The following INPP5A variants were observed in gnomAD, a reference collection of about 807,000 sequenced individuals.
The protein encoded by INPP5A is 43 kDa inositol polyphosphate 5-phophatase.
A neutral mutation model predicts 65.2 loss-of-function variants in INPP5A; 14 were observed. That is an observed-to-expected ratio of 0.21 (90% CI 0.14 to 0.34). INPP5A has a LOEUF of 0.34. Ranked by LOEUF, INPP5A falls within the 10% of genes least tolerant of loss-of-function variation. The pLI, the probability that INPP5A is intolerant of heterozygous loss-of-function variation, is 1.00. For synonymous variants in INPP5A, 207 were observed against 208.3 expected, an observed-to-expected ratio of 0.99 and a Z score of 0.05; for missense variants, 431 against 545.6, an observed-to-expected ratio of 0.79 and a Z score of 2.09.
At chr10:132,700,340 G>C (rs1222546158) in intron 6 of INPP5A, among the ~76,000 whole-genome samples, 1 of 152,218 alleles carries the variant, frequency 6.6e-6, no homozygotes, top group Non-Finnish European at 1.5e-5. Flanking sequence ...CGGGGGGCCA[G>C]CCCCTGCCCT....
rs2071031934 is a variant in INPP5A, at chr10:132,550,162, T to C, written c.75+11991T>C. 6.7e-6 allele frequency among the ~76,000 whole-genome samples: 1 copy of C among 149,708 alleles called. No individual in the cohort carries two copies. The highest frequency in any genetic ancestry group is 2.5e-5 in the African/African-American group (1 of 40,194). On this transcript the variant is annotated intron_variant, in intron 1 of 15. Coordinates refer to ENST00000368594, the MANE Select transcript of INPP5A (RefSeq NM_005539.5). The surrounding 1 kb of genome is among the most constrained non-coding windows in gnomAD (Gnocchi z 4.2). ...ACTAACCAGGCAGTAGAAGATGGGGTCAGTCTTGAGTTATTAGTATTTATC... is the reference window on the plus strand; with the variant it reads ...ACTAACCAGGCAGTAGAAGATGGGGCCAGTCTTGAGTTATTAGTATTTATC...
chr10:132,729,421 G>A (rs112865729), intron 9 of INPP5A, among the ~76,000 whole-genome samples: 9,071 of 152,212 alleles, frequency 0.06, 298 homozygotes, highest in African/African-American at 0.094. Flanking sequence ...ACAGGCAGTC[G>A]CAGCACGGCA....
At position 132,716,473 on chromosome 10, in the gene INPP5A, C is replaced by T. The variant is rs542919136; in HGVS notation, c.647+6017C>T. Among the ~76,000 whole-genome samples the T allele has an allele frequency of 1.1e-4, 17 of 152,360 alleles. No individual in the cohort carries two copies. The East Asian group carries it at 1.7e-3, about 16-fold the overall frequency. On this transcript the variant is annotated intron_variant, in intron 8 of 15. Coordinates refer to ENST00000368594, the MANE Select transcript of INPP5A (RefSeq NM_005539.5). ...GAACGGAGTCTGCCGGACGTCTCCACGAGCTCCAGCCACGGTGCTCGGTCA... is the reference window on the plus strand; with the variant it reads ...GAACGGAGTCTGCCGGACGTCTCCATGAGCTCCAGCCACGGTGCTCGGTCA...
intron 1 of INPP5A, among the ~76,000 whole-genome samples, chr10:132,594,157 T>C (rs1425490369): frequency 6.6e-6 from 1 of 152,222 alleles, no homozygotes. Flanking sequence ...TATATGCCAA[T>C]GTTATGTTTG....
At chr10:132,765,071 C>T (rs1296628647) in intron 11 of INPP5A, among the ~76,000 whole-genome samples, 6 of 146,220 alleles carry the variant, frequency 4.1e-5, no homozygotes, top group East Asian at 2.0e-4. Context: ...GAAACACGAC[C>T]GGGTCAGTCC....
intron 5 of INPP5A, among the ~76,000 whole-genome samples, chr10:132,691,235 G>GC (rs1360239922): frequency 6.6e-6 from 1 of 152,216 alleles, no homozygotes; most frequent in African/African-American, 2.4e-5. Context: ...GATGACGAGA[G>GC]CAAGATTCTG....
chr10:132,566,669 C>G (rs1260919049), intron 1 of INPP5A, among the ~76,000 whole-genome samples: 1 of 152,106 alleles, frequency 6.6e-6, no homozygotes, highest in African/African-American at 2.4e-5. Flanking sequence ...TATTAAATGC[C>G]TACTTTTGAT....
Position 132,705,311 on chromosome 10 carries a change from TGCCACCCC to T in INPP5A, c.475-2989_475-2982del, listed in dbSNP as rs532219326. The stretch of plus-strand genomic sequence containing the variant: ...TGTCTGGTGCAGCACGCAGGGAGCC[TGCCACCCC>T]GCCACCCCGCCATAGAGCTCCCTGG... On this transcript the variant is annotated intron_variant, in intron 6 of 15. Transcript: ENST00000368594. The surrounding 1 kb of genome is among the most constrained non-coding windows in gnomAD (Gnocchi z 4.9). 3.4e-4 allele frequency among the ~76,000 whole-genome samples: 52 copies of T among 152,266 alleles called. No homozygotes were observed. The South Asian group carries it at 8.9e-3, about 26-fold the overall frequency.
At chr10:132,680,500 C>T (rs547721503) in intron 4 of INPP5A, among the ~76,000 whole-genome samples, 98 of 152,386 alleles carry the variant, frequency 6.4e-4, no homozygotes, top group African/African-American at 2.1e-3. Flanking sequence ...AGCGTGCTGG[C>T]AGTCCTCACA....
intron 1 of INPP5A, among the ~76,000 whole-genome samples, chr10:132,607,202 T>C (rs1195970856): frequency 2.6e-5 from 4 of 152,248 alleles, no homozygotes; most frequent in African/African-American, 7.2e-5. Flanking sequence ...GGGCCGTCCC[T>C]TCTCCTGAAG....
At position 132,575,941 on chromosome 10, in the gene INPP5A, C is replaced by T. The variant is rs560068129; in HGVS notation, c.76-31974C>T. On this transcript the variant is annotated intron_variant, in intron 1 of 15. Coordinates refer to ENST00000368594, the MANE Select transcript of INPP5A (RefSeq NM_005539.5). This position sits in a 1 kb window ranked among gnomAD's most constrained non-coding sequence, Gnocchi z 5.4. ...TGTGGACTGTGGAGCTGGTGGCTCC[C>T]CTCTCCTCCTGAACCACGAGTACTT... 2.0e-5 allele frequency among the ~76,000 whole-genome samples: 3 copies of T among 152,318 alleles called. No individual in the cohort carries two copies. In the East Asian group the frequency reaches 5.8e-4, roughly 29 times the overall value.
intron 4 of INPP5A, among the ~76,000 whole-genome samples, chr10:132,666,579 T>C (rs1336723317): frequency 5.3e-5 from 8 of 152,218 alleles, no homozygotes; most frequent in Admixed American, 5.2e-4. Context: ...GACTTTGCAG[T>C]GGGGCTCTCT....
chr10:132,586,359 G>A (rs2071544523), intron 1 of INPP5A, among the ~76,000 whole-genome samples: 2 of 152,232 alleles, frequency 1.3e-5, no homozygotes, highest in African/African-American at 4.8e-5. Context: ...AGAGCAGGGG[G>A]CTCTCTGGAC....
chr10:132,629,664 G>C (rs1564940652), intron 2 of INPP5A, among the ~76,000 whole-genome samples: 1 of 152,262 alleles, frequency 6.6e-6, no homozygotes, highest in Non-Finnish European at 1.5e-5. Context: ...GGACAGCCCT[G>C]TGCTGCGGCA....
chr10:132,682,339 G>T (rs573577602), intron 4 of INPP5A, among the ~76,000 whole-genome samples: 4 of 152,212 alleles, frequency 2.6e-5, no homozygotes, highest in African/African-American at 9.7e-5. Flanking sequence ...CGTTCGTTAG[G>T]CGCGGACTGC....
intron 1 of INPP5A, among the ~76,000 whole-genome samples, chr10:132,561,436 T>A (rs2071204421): frequency 1.3e-5 from 2 of 152,136 alleles, no homozygotes; most frequent in South Asian, 4.1e-4. Context: ...GTTGTCTCGG[T>A]ACCATTTTTG....
At chr10:132,677,241 T>C (rs1047042520) in intron 4 of INPP5A, among the ~76,000 whole-genome samples, 6 of 152,206 alleles carry the variant, frequency 3.9e-5, no homozygotes, top group East Asian at 1.9e-4. Context: ...CCAGCTCACA[T>C]TGGTCTTGGA....
chr10:132,769,548 G>A (rs963951574), intron 12 of INPP5A, among the ~76,000 whole-genome samples: 4 of 152,216 alleles, frequency 2.6e-5, no homozygotes, highest in African/African-American at 7.2e-5. Context: ...AGCTCTACAC[G>A]TGTGCTTAGA....
chr10:132,573,615 TGGG>T (rs1209277032), intron 1 of INPP5A, among the ~76,000 whole-genome samples: 20 of 119,520 alleles, frequency 1.7e-4, no homozygotes, highest in African/African-American at 6.8e-4. Context: ...GTTGAGATGT[TGGG>T]GTGTGCGTGC....
Sources: allele counts gnomAD v4.1 joint callset (sites outside exome capture counted in the v4.1 genomes callset), GRCh38; gene constraint gnomAD v4.1.1; non-coding constraint Gnocchi (gnomAD v3.1); transcripts MANE v1.5; gene names NCBI Gene and HGNC (gene_info 2026-07-23, HGNC 2026-07-21).